SYT7: variants seen among roughly 807,000 people sequenced by gnomAD.
SYT7 encodes the protein synaptotagmin-7.
SYT7 carries 29 observed loss-of-function variants against 75.1 expected under a neutral mutation model. The ratio of observed to expected loss-of-function variants is 0.39; its 90% confidence interval spans 0.29 to 0.53. The LOEUF is 0.53. Among genes scored for constraint, SYT7 ranks in the 20% least tolerant of loss-of-function variants. The pLI is 0.77. For synonymous variants in SYT7, 376 were observed against 401.7 expected, an observed-to-expected ratio of 0.94 and a Z score of 0.76; for missense variants, 693 against 953.2, an observed-to-expected ratio of 0.73 and a Z score of 3.59.
At position 61,538,346 on chromosome 11, in the gene SYT7, G is replaced by GGAGAGAGAGAGAGA. The variant is rs58071370; in HGVS notation, c.942-94_942-81dup. ...GGGGGCAGGGGGGAAGGAGAGAGAG[G>GGAGAGAGAGAGAGA]GAGAGAGAGAGAGAGAGAGAGAGAG... On this transcript the variant is annotated intron_variant, in intron 6 of 12. Coordinates refer to ENST00000539008, the MANE Select transcript of SYT7 (RefSeq NM_001365809.2). 1.0e-3 allele frequency: 212 copies of GGAGAGAGAGAGAGA among 203,000 alleles called. 2 individuals are homozygous for GGAGAGAGAGAGAGA. The highest frequency in any genetic ancestry group is 1.7e-3 in the Middle Eastern group (1 of 588). The allele number at this position is 203,000 out of a possible 1,614,324, so 12.6% of individuals were successfully genotyped here. A position where few individuals can be genotyped will look rare whatever the true frequency, so the allele number is the denominator to read the frequency against.
rs890626696 is a variant in SYT7, at chr11:61,551,343, G to T, written c.215+41C>A. 1.9e-6 allele frequency: 3 copies of T among 1,599,232 alleles called. No homozygotes were observed. The highest frequency in any genetic ancestry group is 2.6e-6 in the Non-Finnish European group (3 of 1,168,016). ...AGAAGGGGCTCCTCCCACCTGGGCT[G>T]CTTGTGTGGCCCCATCCCAAACTAG... On this transcript the variant is annotated intron_variant, in intron 3 of 12. Transcript: ENST00000539008. The surrounding 1 kb of genome is among the most constrained non-coding windows in gnomAD (Gnocchi z 5.3).
intron 6 of SYT7, among the ~76,000 whole-genome samples, chr11:61,538,732 G>C (rs76011658): frequency 0.018 from 2,813 of 152,248 alleles, 93 homozygotes; most frequent in African/African-American, 0.064. Flanking sequence ...AGCTGGACTC[G>C]CTCTGACCAT....
chr11:61,524,044 C>T lies in SYT7; in HGVS notation c.1642-103G>A. 4 of 1,048,994 alleles carry T rather than the reference C, an allele frequency of 3.8e-6. No individual in the cohort carries two copies. The highest frequency in any genetic ancestry group is 5.8e-6 in the Non-Finnish European group (4 of 689,744). 65.0% of individuals were successfully genotyped at this position (1,048,994 alleles called of 1,614,324 possible). A position where few individuals can be genotyped will look rare whatever the true frequency, so the allele number is the denominator to read the frequency against. ...CTCTACCCTGACCTTGGTGCTTACCCATGCCCCTGTCTGTCACCTCTGTCT... is the reference window on the plus strand; with the variant it reads ...CTCTACCCTGACCTTGGTGCTTACCTATGCCCCTGTCTGTCACCTCTGTCT... On this transcript the variant is annotated intron_variant, in intron 10 of 12. Coordinates refer to ENST00000539008, the MANE Select transcript of SYT7 (RefSeq NM_001365809.2). This position sits in a 1 kb window ranked among gnomAD's most constrained non-coding sequence, Gnocchi z 4.1.
chr11:61,551,067 T>C lies in SYT7; in HGVS notation c.215+317A>G, dbSNP rs61259547. ...GAGGTCCAGGGAAGCCGGCGGGTGG[T>C]GGGCACAGTGTGTGTGATAGGAGGG... On this transcript the variant is annotated intron_variant, in intron 3 of 12. Coordinates refer to ENST00000539008, the MANE Select transcript of SYT7 (RefSeq NM_001365809.2). The surrounding 1 kb of genome is among the most constrained non-coding windows in gnomAD (Gnocchi z 5.3). Among the ~76,000 whole-genome samples, 931 of 151,590 alleles carry C rather than the reference T, an allele frequency of 6.1e-3. 11 individuals are homozygous for C. Among genetic ancestry groups the C allele is most frequent in the African/African-American group, 0.02 (829 of 41,312 alleles).
intron 7 of SYT7, among the ~76,000 whole-genome samples, chr11:61,535,945 G>A (rs2062857833): frequency 6.6e-6 from 1 of 152,174 alleles, no homozygotes; most frequent in South Asian, 2.1e-4. Context: ...CAAGTTCTGA[G>A]GGTCCAGGAG....
In SYT7 at chr11:61,518,510, G is replaced by A; in HGVS notation, c.*117C>T. On this transcript the variant is annotated 3_prime_UTR_variant, in exon 13 of 13. Coordinates refer to ENST00000539008, the MANE Select transcript of SYT7 (RefSeq NM_001365809.2). The stretch of plus-strand genomic sequence containing the variant: ...AGTCCTGGGACCCCTCCCTGGCTGA[G>A]CCCTCAGGGTCCTCCCCTCCCTATG... 1 of 661,844 alleles carries A rather than the reference G, an allele frequency of 1.5e-6. No homozygotes were observed. The highest frequency in any genetic ancestry group is 2.4e-6 in the Non-Finnish European group (1 of 415,638). 41.0% of individuals were successfully genotyped at this position (661,844 alleles called of 1,614,324 possible).
rs1401295637 is a variant in SYT7 at position 61,546,977 on chromosome 11, AGGCAGGTGGGTTGG to A, written c.347+186_347+199del. Among the ~76,000 whole-genome samples the A allele has an allele frequency of 4.0e-5, 6 of 151,096 alleles. No homozygotes were observed. The highest frequency in any genetic ancestry group is 8.9e-5 in the Non-Finnish European group (6 of 67,768). On this transcript the variant is annotated intron_variant, in intron 4 of 12. Coordinates refer to ENST00000539008, the MANE Select transcript of SYT7 (RefSeq NM_001365809.2). The surrounding 1 kb of genome is among the most constrained non-coding windows in gnomAD (Gnocchi z 7.6). Reference sequence around the variant, plus strand: ...CCTGGGGGAGGGGACGGGAGCGGGCAGGCAGGTGGGTTGGGGCAGGTGGGGTTGCTCGTCTCCAT... The same window carrying A: ...CCTGGGGGAGGGGACGGGAGCGGGCAGGCAGGTGGGGTTGCTCGTCTCCAT...
At chr11:61,519,395 G>T (rs2062239009) in intron 12 of SYT7, among the ~76,000 whole-genome samples, 1 of 152,224 alleles carries the variant, frequency 6.6e-6, no homozygotes, top group Admixed American at 6.5e-5. Flanking sequence ...TCAGCTTTGG[G>T]ACTTGGGGGT....
chr11:61,564,331 A>G (rs1392645045), intron 1 of SYT7, among the ~76,000 whole-genome samples: 2 of 152,184 alleles, frequency 1.3e-5, no homozygotes, highest in African/African-American at 4.8e-5. Flanking sequence ...CTCCCAACCT[A>G]GACTGCTTCT....
chr11:61,554,453 C>G (rs557687761), intron 2 of SYT7, among the ~76,000 whole-genome samples: 6 of 152,204 alleles, frequency 3.9e-5, no homozygotes, highest in Admixed American at 3.3e-4. Context: ...CAGACAGACA[C>G]ACACACACAG....
intron 12 of SYT7, 64 bp from the exon 13 acceptor site, chr11:61,518,795 AG>A: frequency 8.2e-7 from 1 of 1,224,830 alleles, no homozygotes; most frequent in Non-Finnish European, 1.1e-6. Context: ...TTTCCCCCAC[AG>A]GGGTGACACC....
rs997261828 is a variant in SYT7, at chr11:61,516,694, T to C, written c.*1933A>G. 3 of 152,190 alleles carry C rather than the reference T, an allele frequency of 2.0e-5. No homozygotes were observed. The highest frequency in any genetic ancestry group is 2.9e-5 in the Non-Finnish European group (2 of 68,022). The allele number at this position is 152,190 out of a possible 1,614,324, so 9.4% of individuals were successfully genotyped here. A position where few individuals can be genotyped will look rare whatever the true frequency, so the allele number is the denominator to read the frequency against. ...CAGCCCGCCAAAGAGGAGGATGCAG[T>C]TGGGGCCGACCCCATTTTAAGCAAA... is the stretch of plus-strand genomic sequence containing the variant. On this transcript the variant is annotated 3_prime_UTR_variant, in exon 13 of 13. Coordinates refer to ENST00000539008, the MANE Select transcript of SYT7 (RefSeq NM_001365809.2). This position sits in a 1 kb window ranked among gnomAD's most constrained non-coding sequence, Gnocchi z 4.6.
At chr11:61,544,509 C>A (rs7927179) in intron 5 of SYT7, among the ~76,000 whole-genome samples, 1 of 152,196 alleles carries the variant, frequency 6.6e-6, no homozygotes, top group Non-Finnish European at 1.5e-5. Context: ...CTCCAGGGGC[C>A]GGCCCAGGCC....
rs965425504 is a variant in SYT7, at chr11:61,542,700, C to T, written c.573-121G>A. ...GTGCAGGGTGCGCGCTGCCGGACCTCGCCAGGCCTCCATCGGAGCTGTCGC... is the reference window on the plus strand; with the variant it reads ...GTGCAGGGTGCGCGCTGCCGGACCTTGCCAGGCCTCCATCGGAGCTGTCGC... On this transcript the variant is annotated intron_variant, in intron 5 of 12. Transcript: ENST00000539008. This position sits in a 1 kb window ranked among gnomAD's most constrained non-coding sequence, Gnocchi z 7.8. The T allele has an allele frequency of 4.4e-6, 6 of 1,373,368 alleles. No individual in the cohort carries two copies. Among genetic ancestry groups the T allele is most frequent in the South Asian group, 3.4e-5 (2 of 58,556 alleles). 85.1% of individuals were successfully genotyped at this position (1,373,368 alleles called of 1,614,324 possible).
chr11:61,565,846 T>A (rs913966584), intron 1 of SYT7, among the ~76,000 whole-genome samples: 1 of 152,268 alleles, frequency 6.6e-6, no homozygotes, highest in Non-Finnish European at 1.5e-5. Context: ...GCAAGCTTCC[T>A]CAACCTTGAC....
In SYT7 at chr11:61,556,112, G is replaced by A. The variant is rs1298431470; in HGVS notation, c.127C>T (p.Arg43Cys). ...VLCGLCHWCQ[R>C]KLGKRYKNSL... ...GCCCTCAGGAGCCTCACCAGTTTGC[G>A]CTGACACCAGTGGCAGAGGCCGCAG... The change falls in exon 2 of 13, where the codon CGC becomes TGC. Residue 43 changes from arginine (R) to cysteine (C), a missense_variant. By Grantham distance (180) the Arg-to-Cys change is radical. Transcript: ENST00000539008. 1.9e-6 allele frequency: 3 copies of A among 1,613,508 alleles called. No homozygotes were observed. The highest frequency in any genetic ancestry group is 1.7e-5 in the Admixed American group (1 of 59,950).
the SYT7 span, among the ~76,000 whole-genome samples, chr11:61,587,377 G>A: frequency 3.3e-5 from 5 of 152,242 alleles, no homozygotes; most frequent in Non-Finnish European, 7.3e-5. Context: ...CCCAGCTGAG[G>A]CTGCACAGAC....
intron 1 of SYT7, among the ~76,000 whole-genome samples, chr11:61,571,496 C>T (rs1242100712): frequency 2.6e-5 from 4 of 152,248 alleles, no homozygotes; most frequent in Non-Finnish European, 4.4e-5. Flanking sequence ...AGCACACAGC[C>T]ATGTGGCAGT....
chr11:61,573,684 C>T (rs564996006), intron 1 of SYT7, among the ~76,000 whole-genome samples: 1 of 152,328 alleles, frequency 6.6e-6, no homozygotes, highest in Admixed American at 6.5e-5. Context: ...TGCTACTGTG[C>T]CCCAAAGGTC....
Sources: allele counts gnomAD v4.1 joint callset (sites outside exome capture counted in the v4.1 genomes callset), GRCh38; gene constraint gnomAD v4.1.1; non-coding constraint Gnocchi (gnomAD v3.1); transcripts MANE v1.5; gene names NCBI Gene and HGNC (gene_info 2026-07-23, HGNC 2026-07-21).